Variants in DYSF observed in about 807,000 individuals in gnomAD.
DYSF encodes dystrophy-associated fer-1-like 1.
DYSF carries 212 observed loss-of-function variants against 274.9 expected under a neutral mutation model. That is an observed-to-expected ratio of 0.77 (90% CI 0.69 to 0.86). The LOEUF (loss-of-function observed/expected upper bound fraction) is 0.86, where lower values mean the gene tolerates loss of function less well. DYSF is among the 40% of genes least tolerant of loss of function. The pLI, the probability that DYSF is intolerant of heterozygous loss-of-function variation, is 0.00. For missense variants in DYSF, 2,666 were observed against 2,783.2 expected (o/e 0.96, Z 0.95); for synonymous variants, 1,091 against 1,078.7 (o/e 1.01, Z -0.22).
intron 14 of DYSF, among the ~76,000 whole-genome samples, chr2:71,531,463 C>T (rs1051804935): frequency 1.1e-4 from 16 of 151,958 alleles, no homozygotes; most frequent in African/African-American, 3.6e-4. Context: ...CAAGGTGACT[C>T]TCTGCCTCCC....
intron 45 of DYSF, 111 bp downstream of exon 45, chr2:71,660,762 C>A: frequency 1.1e-6 from 1 of 928,414 alleles, no homozygotes; most frequent in Non-Finnish European, 1.7e-6. Context: ...TGGAGCAAAA[C>A]TGTATTCCTT....
intron 27 of DYSF, 47 bp downstream of exon 27, chr2:71,569,981 T>G: frequency 6.6e-7 from 1 of 1,526,522 alleles, no homozygotes; most frequent in Non-Finnish European, 9.1e-7. Context: ...ATTTGGTCTC[T>G]GGAGGCACCT....
At chr2:71,671,460 G>A (rs1028303701) in intron 51 of DYSF, among the ~76,000 whole-genome samples, 9 of 152,248 alleles carry the variant, frequency 5.9e-5, no homozygotes, top group South Asian at 2.1e-4. Context: ...TGCGCCCCCC[G>A]TGGCACCCCC....
intron 45 of DYSF, among the ~76,000 whole-genome samples, chr2:71,662,434 GTA>G (rs779878155): frequency 1.3e-5 from 2 of 152,084 alleles, no homozygotes; most frequent in Non-Finnish European, 2.9e-5. Flanking sequence ...ATGTGTGTAT[GTA>G]TGTGTGTGTA....
intron 5 of DYSF, 132 bp downstream of exon 5, chr2:71,512,053 C>G: frequency 1.5e-6 from 1 of 686,514 alleles, no homozygotes; most frequent in Non-Finnish European, 2.6e-6. Flanking sequence ...CTGCCCAGGC[C>G]TGGAAAGAAG....
chr2:71,480,379 C>G (rs2082783289), intron 1 of DYSF, among the ~76,000 whole-genome samples: 1 of 151,022 alleles, frequency 6.6e-6, no homozygotes, highest in Non-Finnish European at 1.5e-5. Context: ...CACACACACA[C>G]ACACGCACAC....
rs1369939529 is a variant in DYSF at position 71,589,558 on chromosome 2, G to A, written c.3403-35G>A. 7 of 1,593,488 alleles carry A rather than the reference G, an allele frequency of 4.4e-6. No individual in the cohort carries two copies. In the East Asian group the frequency reaches 1.3e-4, roughly 31 times the overall value. ...TCTCCCTGCCACCCCCAGGCCTGGG[G>A]GCAGAATCTGCCATAACCAGCTTCG... On this transcript the variant is annotated intron_variant, in intron 30 of 55. Coordinates refer to ENST00000410020, the MANE Select transcript of DYSF (RefSeq NM_001130987.2).
chr2:71,455,503 C>G (rs2081023142), intron 1 of DYSF, among the ~76,000 whole-genome samples: 1 of 152,186 alleles, frequency 6.6e-6, no homozygotes, highest in Non-Finnish European at 1.5e-5. Context: ...CAGGTGTTTC[C>G]AGCAGGGAGG....
intron 51 of DYSF, among the ~76,000 whole-genome samples, chr2:71,673,189 C>G (rs1025792169): frequency 6.6e-6 from 1 of 152,210 alleles, no homozygotes; most frequent in African/African-American, 2.4e-5. Flanking sequence ...GCCACTCACC[C>G]AGGGGAGAGT....
chr2:71,513,094 A>G lies in DYSF; in HGVS notation c.461-146A>G, dbSNP rs1573636040. ...GAGGTGGTGAGAAGGAACAGGTGCC[A>G]CTGGGCTCCACAGCTATTTCTGAGC... On this transcript the variant is annotated intron_variant, in intron 5 of 55. Transcript: ENST00000410020. The G allele has an allele frequency of 3.9e-6, 3 of 769,002 alleles. No homozygotes were observed. In the East Asian group the frequency reaches 8.1e-5, roughly 21 times the overall value. The allele number at this position is 769,002 out of a possible 1,614,324, so 47.6% of individuals were successfully genotyped here.
At chr2:71,483,569 G>C (rs6721287) in intron 3 of DYSF, among the ~76,000 whole-genome samples, 57,793 of 152,064 alleles carry the variant, frequency 0.38, 12,239 homozygotes, top group East Asian at 0.85. Context: ...GAAGTGGGTG[G>C]TGGGGAAGAA....
intron 40 of DYSF, 138 bp from the exon 41 acceptor site, chr2:71,620,409 C>A: frequency 1.1e-6 from 1 of 916,418 alleles, no homozygotes; most frequent in Non-Finnish European, 1.7e-6. Flanking sequence ...CCAGGCTTGT[C>A]CAACTCCAAA....
chr2:71,479,365 T>C (rs1573387301), intron 1 of DYSF, among the ~76,000 whole-genome samples: 1 of 151,892 alleles, frequency 6.6e-6, no homozygotes, highest in Non-Finnish European at 1.5e-5. Context: ...TCTCCAGACC[T>C]ACTGGGCTTA....
chr2:71,668,024 C>T (rs1300141866), intron 48 of DYSF, among the ~76,000 whole-genome samples: 2 of 151,966 alleles, frequency 1.3e-5, no homozygotes, highest in Non-Finnish European at 2.9e-5. Context: ...GAGACAGCAG[C>T]CTTGGGATGG....
At chr2:71,669,523 T>C in intron 50 of DYSF, 82 bp from the exon 51 acceptor site, 1 of 1,561,280 alleles carries the variant, frequency 6.4e-7, no homozygotes, top group South Asian at 1.1e-5. Flanking sequence ...CCTTCTTAAC[T>C]CCTTGTCTGC....
rs183489578 is a variant in DYSF at position 71,549,342 on chromosome 2, C to T, written c.1577-1699C>T. The T allele has an allele frequency of 5.3e-5, 86 of 1,612,204 alleles. No individual in the cohort carries two copies. The highest frequency in any genetic ancestry group is 2.2e-4 in the East Asian group (10 of 44,852). Reference sequence around the variant, plus strand: ...CCCTAACCCCTTTTCCATTTCTTTACGCTTCAGAGGAGCCTGCAGGTGCTG... The same window carrying T: ...CCCTAACCCCTTTTCCATTTCTTTATGCTTCAGAGGAGCCTGCAGGTGCTG... On this transcript the variant is annotated intron_variant, in intron 17 of 55. Transcript: ENST00000410020.
At chr2:71,677,528 C>T (rs1203436407) in intron 52 of DYSF, among the ~76,000 whole-genome samples, 1 of 151,814 alleles carries the variant, frequency 6.6e-6, no homozygotes, top group African/African-American at 2.4e-5. Flanking sequence ...TGAAGGTATC[C>T]TGGGAGATGA....
intron 50 of DYSF, 119 bp from the exon 51 acceptor site, chr2:71,669,486 G>T: frequency 7.7e-7 from 1 of 1,302,764 alleles, no homozygotes; most frequent in Non-Finnish European, 1.1e-6. Flanking sequence ...GATTTCCTGG[G>T]AATTCTTTTT....
rs377488411 is a variant in DYSF, at chr2:71,539,153, C to G, written c.1494-4C>G. On this transcript the variant is annotated splice_region_variant and splice_polypyrimidine_tract_variant and intron_variant, in intron 16 of 55. Transcript: ENST00000410020. ...TTCAGGCCCTCTCTGCTCCCTTGCT[C>G]TAGGGACCGCCTGACTCACAATGAC... 4 of 1,613,876 alleles carry G rather than the reference C, an allele frequency of 2.5e-6. No individual in the cohort carries two copies. The highest frequency in any genetic ancestry group is 1.7e-5 in the Admixed American group (1 of 60,000).
Sources: allele counts gnomAD v4.1 joint callset (sites outside exome capture counted in the v4.1 genomes callset), GRCh38; gene constraint gnomAD v4.1.1; transcripts MANE v1.5; gene names NCBI Gene and HGNC (gene_info 2026-07-23, HGNC 2026-07-21).